The following SPATA6 variants were observed in gnomAD, a reference collection of about 807,000 sequenced individuals.
SPATA6 encodes spermatogenesis associated 6.
SPATA6 carries 56 observed loss-of-function variants against 65.3 expected under a neutral mutation model. That is an observed-to-expected ratio of 0.86 (90% CI 0.69 to 1.07). The LOEUF is 1.07. Among genes scored for constraint, SPATA6 ranks in the 50% least tolerant of loss-of-function variants. The pLI is 0.00. For missense variants in SPATA6, 590 were observed against 594.8 expected (o/e 0.99, Z 0.08); for synonymous variants, 199 against 213.2 (o/e 0.93, Z 0.58).
At chr1:48,379,472 G>A (rs1648299950) in intron 9 of SPATA6, among the ~76,000 whole-genome samples, 1 of 152,156 alleles carries the variant, frequency 6.6e-6, no homozygotes, top group South Asian at 2.1e-4. Flanking sequence ...GGACATTGGG[G>A]TATGGTGGGC....
intron 3 of SPATA6, among the ~76,000 whole-genome samples, chr1:48,428,855 G>GTATATATATGTGTATATATATGTGTGTA: frequency 7.2e-6 from 1 of 138,566 alleles, no homozygotes; most frequent in Non-Finnish European, 1.6e-5. Context: ...ATATATGTGT[G>GTATATATATGTGTATATATATGTGTGTA]TATATATATA....
At chr1:48,423,626 C>T (rs1653570399) in intron 3 of SPATA6, among the ~76,000 whole-genome samples, 1 of 141,928 alleles carries the variant, frequency 7.0e-6, no homozygotes, top group African/African-American at 2.7e-5. Context: ...CGGCTCACTG[C>T]AAACTCCACC....
At chr1:48,390,462 T>G (rs537005331) in intron 8 of SPATA6, among the ~76,000 whole-genome samples, 2 of 152,256 alleles carry the variant, frequency 1.3e-5, no homozygotes, top group South Asian at 4.1e-4. Context: ...GGTACAAACA[T>G]AAGATTAGAA....
the SPATA6 span, among the ~76,000 whole-genome samples, chr1:48,267,703 G>A: frequency 1.4e-5 from 2 of 147,608 alleles, no homozygotes; most frequent in African/African-American, 5.0e-5. Context: ...CTTCTGCAGT[G>A]TGTTCCTCTC....
chr1:48,338,337 C>A (rs996376246), intron 11 of SPATA6, among the ~76,000 whole-genome samples: 3 of 151,970 alleles, frequency 2.0e-5, no homozygotes, highest in Non-Finnish European at 4.4e-5. Context: ...GCTTTAGATA[C>A]ACAGCCATTT....
chr1:48,350,691 G>A (rs548234747), intron 11 of SPATA6, among the ~76,000 whole-genome samples: 2 of 152,016 alleles, frequency 1.3e-5, no homozygotes, highest in African/African-American at 4.8e-5. Flanking sequence ...CAGTATTTAC[G>A]TGGGTCTATT....
At chr1:48,432,355 G>A (rs1654482790) in intron 3 of SPATA6, among the ~76,000 whole-genome samples, 1 of 151,874 alleles carries the variant, frequency 6.6e-6, no homozygotes, top group Non-Finnish European at 1.5e-5. Context: ...CAGTAAAAAG[G>A]CAATCCAAAC....
At chr1:48,448,760 T>G (rs1557723301) in intron 3 of SPATA6, among the ~76,000 whole-genome samples, 1 of 152,154 alleles carries the variant, frequency 6.6e-6, no homozygotes, top group Non-Finnish European at 1.5e-5. Flanking sequence ...TGAAAAACAT[T>G]ACTCTAAATG....
chr1:48,414,775 T>C (rs969542326), intron 3 of SPATA6, among the ~76,000 whole-genome samples: 3 of 152,094 alleles, frequency 2.0e-5, no homozygotes, highest in African/African-American at 7.2e-5. Context: ...AGCAAATAAG[T>C]ACATACTAAG....
intron 11 of SPATA6, among the ~76,000 whole-genome samples, chr1:48,319,110 A>T (rs998429908): frequency 6.6e-6 from 1 of 152,180 alleles, no homozygotes; most frequent in African/African-American, 2.4e-5. Flanking sequence ...AAATACAAAA[A>T]TCAACTCAAA....
chr1:48,385,181 A>G, intron 9 of SPATA6, 128 bp downstream of exon 9: 3 of 814,206 alleles, frequency 3.7e-6, no homozygotes, highest in Admixed American at 7.8e-5. Flanking sequence ...TTATATGACA[A>G]TTATTGTTTT....
chr1:48,397,512 G>C (rs1352889356), intron 7 of SPATA6, among the ~76,000 whole-genome samples: 1 of 151,676 alleles, frequency 6.6e-6, no homozygotes, highest in Non-Finnish European at 1.5e-5. Context: ...AAGAATCTTG[G>C]AAGCACGCTA....
intron 9 of SPATA6, among the ~76,000 whole-genome samples, chr1:48,380,520 G>C (rs1408008610): frequency 1.3e-5 from 2 of 152,158 alleles, no homozygotes; most frequent in South Asian, 2.1e-4. Context: ...CCAACTTATA[G>C]CAGGATTATA....
chr1:48,364,377 A>T (rs1646925361), intron 9 of SPATA6, among the ~76,000 whole-genome samples: 1 of 152,230 alleles, frequency 6.6e-6, no homozygotes, highest in African/African-American at 2.4e-5. Context: ...GAATCGCCAC[A>T]CTGACTTCCA....
chr1:48,316,306 A>C (rs1419219812), intron 11 of SPATA6, among the ~76,000 whole-genome samples: 1 of 152,200 alleles, frequency 6.6e-6, no homozygotes, highest in African/African-American at 2.4e-5. Flanking sequence ...CAGTAACCAA[A>C]ACAGCATGGT....
intron 11 of SPATA6, among the ~76,000 whole-genome samples, chr1:48,317,913 A>G (rs1645486644): frequency 6.6e-6 from 1 of 152,214 alleles, no homozygotes; most frequent in Non-Finnish European, 1.5e-5. Context: ...TCTCAGTAAA[A>G]TACTAGCAAG....
At chr1:48,363,395 G>C (rs926555081) in intron 9 of SPATA6, among the ~76,000 whole-genome samples, 2 of 152,016 alleles carry the variant, frequency 1.3e-5, no homozygotes, top group Non-Finnish European at 1.5e-5. Context: ...AAAAACTTAA[G>C]TTCAAATCCC....
At chr1:48,285,097 G>C in the SPATA6 span, among the ~76,000 whole-genome samples, 1 of 152,182 alleles carries the variant, frequency 6.6e-6, no homozygotes, top group African/African-American at 2.4e-5. Flanking sequence ...CCTGTTTGGG[G>C]CTGCTGACTT....
intron 3 of SPATA6, among the ~76,000 whole-genome samples, chr1:48,418,795 A>G (rs373596640): frequency 5.7e-5 from 7 of 123,076 alleles, no homozygotes; most frequent in East Asian, 2.5e-4. Context: ...AAGGGAAGGA[A>G]GGAAGGAGGG....
Sources: allele counts gnomAD v4.1 joint callset (sites outside exome capture counted in the v4.1 genomes callset), GRCh38; gene constraint gnomAD v4.1.1; transcripts MANE v1.5; gene names NCBI Gene and HGNC (gene_info 2026-07-23, HGNC 2026-07-21).